The following NKAIN1 variants were observed in gnomAD, a reference collection of about 807,000 sequenced individuals.
NKAIN1 encodes the protein sodium/potassium transporting ATPase interacting 1.
NKAIN1 carries 13 observed loss-of-function variants against 31.6 expected under a neutral mutation model. The ratio of observed to expected loss-of-function variants is 0.41; its 90% CI spans 0.27 to 0.65. NKAIN1 has a LOEUF of 0.65. NKAIN1 is among the 30% of genes least tolerant of loss of function. The pLI is 0.30. For missense variants in NKAIN1, 193 were observed against 262.2 expected (o/e 0.74, Z 1.82); for synonymous variants, 104 against 109.0 (o/e 0.95, Z 0.28).
rs182826268 is a variant in NKAIN1, at chr1:31,208,973, A to T, written c.55-20786T>A. 2.0e-4 allele frequency among the ~76,000 whole-genome samples: 31 copies of T among 152,302 alleles called. No individual in the cohort carries two copies. The East Asian group carries it at 4.1e-3, about 20-fold the overall frequency. ...CCTCCCAGGGGGTGGGAGTGGATCC[A>T]ATGGGGTAACTGACATCCTGGGAGC... On this transcript the variant is annotated intron_variant, in intron 1 of 6. Coordinates refer to ENST00000373736, the MANE Select transcript of NKAIN1 (RefSeq NM_024522.3).
At chr1:31,183,370 G>A (rs189220002) in intron 4 of NKAIN1, among the ~76,000 whole-genome samples, 136 of 150,584 alleles carry the variant, frequency 9.0e-4, no homozygotes, top group Middle Eastern at 3.4e-3. Context: ...GAGGGAAGAC[G>A]GTACAGGATA....
rs374170539 is a variant in NKAIN1 at position 31,182,610 on chromosome 1, G to A, written c.472-20C>T. On this transcript the variant is annotated intron_variant, in intron 4 of 6. Coordinates refer to ENST00000373736, the MANE Select transcript of NKAIN1 (RefSeq NM_024522.3). ...GAACAGCTGGGAGTGGAGATGACAC[G>A]TCAGGGAGGAAGGAGGAGTGGGAAC... 9.3e-6 allele frequency: 15 copies of A among 1,613,804 alleles called. No individual in the cohort carries two copies. The South Asian group carries it at 9.9e-5, about 11-fold the overall frequency.
At chr1:31,230,506 T>G (rs901895556) in intron 1 of NKAIN1, among the ~76,000 whole-genome samples, 2 of 152,158 alleles carry the variant, frequency 1.3e-5, no homozygotes, top group Non-Finnish European at 2.9e-5. Context: ...CAACCACACT[T>G]AACGGCTCTT....
chr1:31,222,788 G>A (rs1569575257), intron 1 of NKAIN1, among the ~76,000 whole-genome samples: 1 of 152,154 alleles, frequency 6.6e-6, no homozygotes, highest in East Asian at 1.9e-4. Flanking sequence ...AGTCCAAAAG[G>A]CCTGGGTTAG....
Position 31,188,170 on chromosome 1 carries a change from C to A in NKAIN1, c.72G>T (p.Arg24=), listed in dbSNP as rs564225539. 1.7e-5 allele frequency: 27 copies of A among 1,551,562 alleles called. No individual in the cohort carries two copies. In the African/African-American group the frequency reaches 2.3e-4, roughly 13 times the overall value. ...GGTAGCCCAGGAAGTCAAAGATCTG[C>A]CGCTCCAGCGCAGCCACCTGTGGAA... The part of the protein sequence containing the change: ...CCLQLVAALE[R]QIFDFLGYQW... Residue 24 remains arginine, a synonymous_variant, in exon 2 of 7, where the codon CGG becomes CGT. Coordinates refer to ENST00000373736, the MANE Select transcript of NKAIN1 (RefSeq NM_024522.3).
chr1:31,181,042 C>G lies in NKAIN1; in HGVS notation c.*661G>C, dbSNP rs1039491254. On this transcript the variant is annotated 3_prime_UTR_variant, in exon 7 of 7. Transcript: ENST00000373736. ...TCCACCAAAAATCTAGCTGTGTGGC[C>G]TCAAGCAAATCACATCTCTGGGCCT... The G allele has an allele frequency of 2.0e-5, 3 of 152,112 alleles. No individual in the cohort carries two copies. The highest frequency in any genetic ancestry group is 3.8e-4 in the East Asian group (2 of 5,198). 9.4% of individuals were successfully genotyped at this position (152,112 alleles called of 1,614,324 possible). A position where few individuals can be genotyped will look rare whatever the true frequency, so the allele number is the denominator to read the frequency against.
At chr1:31,222,199 C>T (rs1645570140) in intron 1 of NKAIN1, among the ~76,000 whole-genome samples, 1 of 152,190 alleles carries the variant, frequency 6.6e-6, no homozygotes, top group Non-Finnish European at 1.5e-5. Flanking sequence ...ATTAAGATTG[C>T]TTGCGCAGGC....
chr1:31,239,228 A>T lies in NKAIN1; in HGVS notation c.54+266T>A, dbSNP rs999866116. 6.6e-6 allele frequency among the ~76,000 whole-genome samples: 1 copy of T among 152,144 alleles called. No individual in the cohort carries two copies. The highest frequency in any genetic ancestry group is 2.4e-5 in the African/African-American group (1 of 41,452). On this transcript the variant is annotated intron_variant, in intron 1 of 6. Transcript: ENST00000373736. The surrounding 1 kb of genome is among the most constrained non-coding windows in gnomAD (Gnocchi z 4.8). ...TCCCCCAACAGGAGGCCACTTGTAC[A>T]GTGCGGGCGGGCCGGGGACTCGCGC...
intron 1 of NKAIN1, among the ~76,000 whole-genome samples, chr1:31,234,221 A>T (rs1288393796): frequency 6.6e-6 from 1 of 152,068 alleles, no homozygotes; most frequent in African/African-American, 2.4e-5. Context: ...GCATAATTTC[A>T]CGCTCCTGAC....
chr1:31,236,518 G>A (rs568985139), intron 1 of NKAIN1, among the ~76,000 whole-genome samples: 23 of 152,048 alleles, frequency 1.5e-4, no homozygotes, highest in Admixed American at 1.4e-3. Context: ...CCAACATCCC[G>A]GGGCACATTA....
intron 1 of NKAIN1, among the ~76,000 whole-genome samples, chr1:31,210,761 G>T (rs1208493191): frequency 6.6e-6 from 1 of 152,188 alleles, no homozygotes; most frequent in Non-Finnish European, 1.5e-5. Flanking sequence ...AGGAGAAAGG[G>T]TCCAACCCTG....
intron 1 of NKAIN1, among the ~76,000 whole-genome samples, chr1:31,216,185 G>C (rs1411460942): frequency 1.3e-5 from 2 of 151,830 alleles, no homozygotes; most frequent in African/African-American, 4.9e-5. Flanking sequence ...TCATTTCCTG[G>C]CCCTGGGCCA....
intron 1 of NKAIN1, among the ~76,000 whole-genome samples, chr1:31,208,204 T>A (rs1645438831): frequency 6.6e-6 from 1 of 152,168 alleles, no homozygotes; most frequent in Admixed American, 6.5e-5. Flanking sequence ...CTAAGCCCGT[T>A]TCCTCATCTA....
chr1:31,228,547 A>G (rs1645624518), intron 1 of NKAIN1, among the ~76,000 whole-genome samples: 1 of 152,166 alleles, frequency 6.6e-6, no homozygotes, highest in Admixed American at 6.6e-5. Context: ...GAGTGGTTCC[A>G]AGGGATCTGG....
intron 1 of NKAIN1, among the ~76,000 whole-genome samples, chr1:31,213,328 C>CA (rs997404055): frequency 1.3e-5 from 2 of 151,998 alleles, no homozygotes; most frequent in African/African-American, 2.4e-5. Flanking sequence ...CTGATAAGCA[C>CA]AAAAAAATAT....
At chr1:31,219,701 G>A (rs905764139) in intron 1 of NKAIN1, among the ~76,000 whole-genome samples, 2 of 152,194 alleles carry the variant, frequency 1.3e-5, no homozygotes, top group African/African-American at 4.8e-5. Context: ...CCAAAGGAAG[G>A]TCTCAGGCCA....
intron 1 of NKAIN1, among the ~76,000 whole-genome samples, chr1:31,225,357 CAG>C (rs1208529280): frequency 2.4e-5 from 2 of 83,606 alleles, no homozygotes; most frequent in Non-Finnish European, 4.3e-5. Context: ...TTTTTAAAGA[CAG>C]AGTCTTACTC....
chr1:31,239,296 C>T lies in NKAIN1; in HGVS notation c.54+198G>A, dbSNP rs553993532. On this transcript the variant is annotated intron_variant, in intron 1 of 6. Coordinates refer to ENST00000373736, the MANE Select transcript of NKAIN1 (RefSeq NM_024522.3). The surrounding 1 kb of genome is among the most constrained non-coding windows in gnomAD (Gnocchi z 4.8). ...ACCGGAGGAGCGCCGGGCACAGCAGCGAGAAGCGCACACAAAGAGACAGCC... is the reference window on the plus strand; with the variant it reads ...ACCGGAGGAGCGCCGGGCACAGCAGTGAGAAGCGCACACAAAGAGACAGCC... 2.6e-5 allele frequency among the ~76,000 whole-genome samples: 4 copies of T among 152,216 alleles called. No individual in the cohort carries two copies. Among genetic ancestry groups the T allele is most frequent in the Admixed American group, 2.6e-4 (4 of 15,300 alleles).
At chr1:31,231,728 C>T (rs1375765778) in intron 1 of NKAIN1, among the ~76,000 whole-genome samples, 2 of 151,646 alleles carry the variant, frequency 1.3e-5, no homozygotes, top group African/African-American at 2.4e-5. Context: ...GACAGGGTTT[C>T]ACAGTGTTAG....
Sources: allele counts gnomAD v4.1 joint callset (sites outside exome capture counted in the v4.1 genomes callset), GRCh38; gene constraint gnomAD v4.1.1; non-coding constraint Gnocchi (gnomAD v3.1); transcripts MANE v1.5; gene names NCBI Gene and HGNC (gene_info 2026-07-23, HGNC 2026-07-21).